Variants in SORBS2 observed in about 807,000 individuals in gnomAD.
SORBS2 encodes the protein sorbin and SH3 domain-containing protein 2.
A neutral mutation model predicts 97.7 loss-of-function variants in SORBS2; 46 were observed. The ratio of observed to expected loss-of-function variants is 0.47; its 90% CI spans 0.37 to 0.60. SORBS2 has a LOEUF of 0.60. Among genes scored for constraint, SORBS2 ranks in the 20% least tolerant of loss-of-function variants. The probability of loss-of-function intolerance (pLI) is 0.00; values close to 1 mark genes in which losing one functional copy is unlikely to be tolerated. For missense variants in SORBS2, 1,316 were observed against 1,282.3 expected (o/e 1.03, Z -0.40); for synonymous variants, 476 against 473.4 (o/e 1.01, Z -0.07).
chr4:185,812,315 G>GGCT (rs2099188087), intron 1 of SORBS2, 121 bp from the exon 1 acceptor site: 1 of 152,212 alleles, frequency 6.6e-6, no homozygotes, highest in Admixed American at 6.5e-5. Flanking sequence ...TAGCAAGCAT[G>GGCT]GCTGATCATG....
chr4:185,682,072 T>A (rs1413200175), intron 2 of SORBS2, among the ~76,000 whole-genome samples: 1 of 152,258 alleles, frequency 6.6e-6, no homozygotes, highest in African/African-American at 2.4e-5. Context: ...TGTACAATTA[T>A]AACCCTTTTC....
intron 2 of SORBS2, among the ~76,000 whole-genome samples, chr4:185,749,208 G>A (rs1311005693): frequency 6.6e-6 from 1 of 152,186 alleles, no homozygotes; most frequent in Non-Finnish European, 1.5e-5. Context: ...GGAGACAGGT[G>A]CAGGGACAGT....
chr4:185,594,882 T>G (rs901874113), intron 12 of SORBS2, among the ~76,000 whole-genome samples: 2 of 152,126 alleles, frequency 1.3e-5, no homozygotes, highest in Non-Finnish European at 2.9e-5. Context: ...AAAATCAGAA[T>G]TTGCATGGCA....
At chr4:185,664,318 C>T (rs980602640) in intron 4 of SORBS2, among the ~76,000 whole-genome samples, 16 of 152,054 alleles carry the variant, frequency 1.1e-4, no homozygotes. Flanking sequence ...AATTAATTTC[C>T]CTTACAAGTA....
At chr4:185,694,426 C>A (rs2098141217) in intron 2 of SORBS2, among the ~76,000 whole-genome samples, 1 of 152,158 alleles carries the variant, frequency 6.6e-6, no homozygotes, top group African/African-American at 2.4e-5. Context: ...AAAGAAGTCT[C>A]CGAACATGAA....
At chr4:185,620,111 G>A (rs766873399) in exon 8 of SORBS2, 39 of 1,612,282 alleles carry the variant, frequency 2.4e-5, no homozygotes, top group Non-Finnish European at 3.3e-5. Context: ...TTCTCCCCAT[G>A]TCAGTCAAAG....
chr4:185,860,551 G>C (rs1316669667), intron 1 of SORBS2, among the ~76,000 whole-genome samples: 2 of 152,202 alleles, frequency 1.3e-5, no homozygotes, highest in Admixed American at 1.3e-4. Flanking sequence ...AATATTTGGA[G>C]AGGCTTGTTC....
intron 1 of SORBS2, among the ~76,000 whole-genome samples, chr4:185,949,078 A>C (rs1279196349): frequency 6.6e-6 from 1 of 152,068 alleles, no homozygotes; most frequent in South Asian, 2.1e-4. Flanking sequence ...AATTTCCAGG[A>C]AACAGGAGGG....
At chr4:185,627,351 A>C (rs2096832585) in intron 5 of SORBS2, among the ~76,000 whole-genome samples, 1 of 152,182 alleles carries the variant, frequency 6.6e-6, no homozygotes, top group Admixed American at 6.5e-5. Context: ...CTGGGACCAC[A>C]GGTGGGTGCC....
chr4:185,911,105 C>T (rs952558838), intron 1 of SORBS2, among the ~76,000 whole-genome samples: 4 of 152,182 alleles, frequency 2.6e-5, no homozygotes, highest in African/African-American at 9.7e-5. Context: ...AGATAAGTAG[C>T]TTGTCCAAGT....
chr4:185,651,035 G>A (rs922573239), intron 2 of SORBS2, among the ~76,000 whole-genome samples: 7 of 152,006 alleles, frequency 4.6e-5, no homozygotes, highest in African/African-American at 1.7e-4. Context: ...GAAGGGGAGG[G>A]GAGCAGTGCC....
chr4:185,619,942 G>T (rs1014389315), intron 8 of SORBS2, 121 bp downstream of exon 20: 3 of 735,712 alleles, frequency 4.1e-6, no homozygotes, highest in Non-Finnish European at 5.0e-6. Flanking sequence ...ATTGTTTCTA[G>T]TTTCTCAGTA....
At chr4:185,619,798 T>G (rs1403554224) in intron 8 of SORBS2, among the ~76,000 whole-genome samples, 1 of 152,118 alleles carries the variant, frequency 6.6e-6, no homozygotes, top group African/African-American at 2.4e-5. Flanking sequence ...AATGGTTAAG[T>G]TCATGGGCAT....
chr4:185,913,513 T>C (rs929446498), intron 1 of SORBS2, among the ~76,000 whole-genome samples: 2 of 152,334 alleles, frequency 1.3e-5, no homozygotes, highest in East Asian at 1.9e-4. Context: ...TCAAACTGAC[T>C]GTTTTCTCTG....
Position 185,669,424 on chromosome 4 carries a change from G to T in SORBS2, c.-45-7182C>A, listed in dbSNP as rs574119800. 3.3e-5 allele frequency among the ~76,000 whole-genome samples: 5 copies of T among 152,212 alleles called. No individual in the cohort carries two copies. The East Asian group carries it at 7.7e-4, about 24-fold the overall frequency. ...TCATGGGTAATATGACCTTTAGTTCGCTCATAAGCTCAGTGACAACACATC... is the reference window on the plus strand; with the variant it reads ...TCATGGGTAATATGACCTTTAGTTCTCTCATAAGCTCAGTGACAACACATC... On this transcript the variant is annotated intron_variant, in intron 4 of 20. Coordinates refer to the SORBS2 transcript ENST00000284776.
chr4:185,709,724 T>A (rs1006836562), intron 2 of SORBS2: 1 of 151,996 alleles, frequency 6.6e-6, no homozygotes, highest in Non-Finnish European at 1.5e-5. Flanking sequence ...TCCTCCCATC[T>A]CCTCACCTGC....
At chr4:185,806,926 G>A (rs1488492931) in intron 1 of SORBS2, among the ~76,000 whole-genome samples, 2 of 152,102 alleles carry the variant, frequency 1.3e-5, no homozygotes, top group African/African-American at 4.8e-5. Flanking sequence ...AATGTACTAG[G>A]ACAAGGAACC....
chr4:185,810,334 C>T (rs905117385), intron 1 of SORBS2, among the ~76,000 whole-genome samples: 24 of 152,318 alleles, frequency 1.6e-4, no homozygotes, highest in African/African-American at 4.6e-4. Context: ...CTGAAACAGG[C>T]GGTTCCTGCC....
chr4:185,639,092 C>T, intron 4 of SORBS2, 57 bp from the exon 14 acceptor site: 2 of 1,427,166 alleles, frequency 1.4e-6, no homozygotes, highest in Non-Finnish European at 1.9e-6. Flanking sequence ...TGGGCGGAAC[C>T]GCGAGGACAC....
Sources: gnomAD v4.1 joint callset for allele counts (sites outside exome capture counted in the v4.1 genomes callset) on GRCh38, gnomAD v4.1.1 for gene constraint, MANE v1.5 for transcripts, NCBI Gene and HGNC (gene_info 2026-07-23, HGNC 2026-07-21) for gene names.